The following GDPD5 variants were observed in gnomAD, a reference collection of about 807,000 sequenced individuals.
The protein encoded by GDPD5 is glycerophosphodiester phosphodiesterase 2.
A neutral mutation model predicts 75.1 loss-of-function variants in GDPD5; 48 were observed. That is an observed-to-expected ratio of 0.64 (90% CI 0.51 to 0.81). The LOEUF is 0.81. GDPD5 is among the 40% of genes least tolerant of loss of function. The pLI, the probability that GDPD5 is intolerant of heterozygous loss-of-function variation, is 0.00. For missense variants in GDPD5, 706 were observed against 822.6 expected (o/e 0.86, Z 1.73); for synonymous variants, 336 against 339.0 (o/e 0.99, Z 0.10).
Position 75,478,868 on chromosome 11 carries a change from G to T in GDPD5, c.-60-1073C>A, listed in dbSNP as rs1318974582. 4.6e-5 allele frequency among the ~76,000 whole-genome samples: 7 copies of T among 152,204 alleles called. No individual in the cohort carries two copies. In the East Asian group the frequency reaches 1.3e-3, roughly 29 times the overall value. ...CCCATTTGACAGTTCAACAAACTGA[G>T]GCTCAGAGAACAAGGAGCAATGCCT... On this transcript the variant is annotated intron_variant, in intron 2 of 16. Transcript: ENST00000336898.
intron 1 of GDPD5, among the ~76,000 whole-genome samples, chr11:75,507,464 C>T (rs1950424586): frequency 6.6e-6 from 1 of 152,210 alleles, no homozygotes; most frequent in Non-Finnish European, 1.5e-5. Flanking sequence ...GGTGGCAGAG[C>T]CAGGCAGAAT....
chr11:75,455,896 G>A (rs77080785), intron 6 of GDPD5, among the ~76,000 whole-genome samples: 21 of 152,210 alleles, frequency 1.4e-4, no homozygotes, highest in South Asian at 4.1e-4. Context: ...CAGCCCTGAG[G>A]GGGGGCACTG....
chr11:75,498,098 AG>A (rs938503775), intron 1 of GDPD5, among the ~76,000 whole-genome samples: 9 of 135,684 alleles, frequency 6.6e-5, no homozygotes, highest in Admixed American at 2.9e-4. Flanking sequence ...GGGCTGGTGG[AG>A]GGGGGGCTGA....
At position 75,457,747 on chromosome 11, in the gene GDPD5, G is replaced by C; in HGVS notation, c.261C>G (p.Pro87=). The change falls in exon 5 of 17, where the codon CCC becomes CCG. Residue 87 remains proline (P), a synonymous_variant. Coordinates refer to ENST00000336898, the MANE Select transcript of GDPD5 (RefSeq NM_030792.8). ...YNRMGYWSDW[P]VPILVTTAAA... ...CAGCTGTGGTCACAAGGATGGGTAC[G>C]GGCCAGTCGCTCCAGTAGCCCATGC... 3.7e-6 allele frequency: 6 copies of C among 1,614,126 alleles called. No individual in the cohort carries two copies. Among genetic ancestry groups the C allele is most frequent in the Non-Finnish European group, 5.1e-6 (6 of 1,179,988 alleles).
At position 75,437,062 on chromosome 11, in the gene GDPD5, C is replaced by A. The variant is rs920883934; in HGVS notation, c.1557-14G>T. ...CCCAGGCGCCACCTGCAGAGATGGC[C>A]CCGTGGGCATCAGGTCTCTCCTCAG... is the stretch of plus-strand genomic sequence containing the variant. On this transcript the variant is annotated splice_polypyrimidine_tract_variant and intron_variant, in intron 15 of 16. Coordinates refer to ENST00000336898, the MANE Select transcript of GDPD5 (RefSeq NM_030792.8). 1.3e-5 allele frequency: 21 copies of A among 1,597,038 alleles called. No individual in the cohort carries two copies. The African/African-American group carries it at 2.0e-4, about 15-fold the overall frequency.
At chr11:75,469,484 C>A (rs1327727503) in intron 3 of GDPD5, among the ~76,000 whole-genome samples, 2 of 152,180 alleles carry the variant, frequency 1.3e-5, no homozygotes, top group Non-Finnish European at 2.9e-5. Context: ...GGTCTGTGTA[C>A]CTCCAGTGTC....
intron 12 of GDPD5, among the ~76,000 whole-genome samples, chr11:75,442,159 C>T (rs1197496031): frequency 3.9e-5 from 6 of 152,242 alleles, no homozygotes; most frequent in South Asian, 2.1e-4. Flanking sequence ...ATAACTTGAC[C>T]GCCTGGACCT....
chr11:75,483,431 G>A (rs887613192), intron 2 of GDPD5, among the ~76,000 whole-genome samples: 6 of 152,102 alleles, frequency 3.9e-5, no homozygotes, highest in Admixed American at 2.6e-4. Context: ...CTCACATCCC[G>A]GGACGCACTG....
At chr11:75,490,905 G>A (rs1950096387) in intron 1 of GDPD5, among the ~76,000 whole-genome samples, 2 of 152,210 alleles carry the variant, frequency 1.3e-5, no homozygotes, top group South Asian at 4.1e-4. Context: ...GGTACCAACA[G>A]GCCACGGGAA....
At chr11:75,451,797 T>A (rs1257003571) in intron 6 of GDPD5, 2 of 152,238 alleles carry the variant, frequency 1.3e-5, no homozygotes, top group Non-Finnish European at 2.9e-5. Flanking sequence ...AATGTTATTA[T>A]CTCTGAGTTC....
chr11:75,512,512 C>G (rs977856796), intron 1 of GDPD5, among the ~76,000 whole-genome samples: 1 of 152,168 alleles, frequency 6.6e-6, no homozygotes, highest in African/African-American at 2.4e-5. Flanking sequence ...AGGCCTGTCC[C>G]TCAACCCGTC....
chr11:75,435,587 CATAT>C lies in GDPD5; in HGVS notation c.1734_1737del (p.Tyr579ProfsTer21). 1 of 1,613,674 alleles carries C rather than the reference CATAT, an allele frequency of 6.2e-7. No homozygotes were observed. The highest frequency in any genetic ancestry group is 1.1e-5 in the South Asian group (1 of 91,060). On this transcript the variant is annotated frameshift_variant, in exon 17 of 17. Coordinates refer to ENST00000336898, the MANE Select transcript of GDPD5 (RefSeq NM_030792.8). LOFTEE classifies it high-confidence loss of function. The stretch of plus-strand genomic sequence containing the variant: ...CCCACAGGGGTGGCGGTGCTGTTGG[CATAT>C]GTGTCATAACTGTTGTCTGAACATA...
intron 3 of GDPD5, among the ~76,000 whole-genome samples, chr11:75,465,825 G>C (rs1182637073): frequency 2.0e-5 from 3 of 152,184 alleles, no homozygotes. Flanking sequence ...GCCTAGGATG[G>C]GTCTGGTCCC....
intron 16 of GDPD5, 44 bp downstream of exon 16, chr11:75,436,892 G>T: frequency 6.8e-7 from 1 of 1,460,286 alleles, no homozygotes; most frequent in Non-Finnish European, 9.6e-7. Flanking sequence ...GGTGCAGAAA[G>T]CTGGGCCCAG....
At chr11:75,502,959 G>A (rs144561179) in intron 1 of GDPD5, among the ~76,000 whole-genome samples, 1 of 152,338 alleles carries the variant, frequency 6.6e-6, no homozygotes, top group African/African-American at 2.4e-5. Context: ...AGAGCCACTG[G>A]GCTGAGCCCA....
intron 1 of GDPD5, among the ~76,000 whole-genome samples, chr11:75,511,062 C>T (rs1487850971): frequency 6.6e-6 from 1 of 152,228 alleles, no homozygotes; most frequent in Non-Finnish European, 1.5e-5. Flanking sequence ...CTTAGATTGT[C>T]TTGGCATTTC....
chr11:75,465,214 A>C (rs965715368), intron 3 of GDPD5, among the ~76,000 whole-genome samples: 3 of 152,220 alleles, frequency 2.0e-5, no homozygotes, highest in Non-Finnish European at 4.4e-5. Flanking sequence ...GGCCCAGGCC[A>C]GCTCTGTGCT....
chr11:75,455,475 C>A (rs145334679), intron 6 of GDPD5: 1 of 418,096 alleles, frequency 2.4e-6, no homozygotes. Context: ...TGTAACAAAC[C>A]GGCCTCGGTG....
intron 11 of GDPD5, 122 bp from the exon 12 acceptor site, chr11:75,442,703 T>C: frequency 1.2e-6 from 1 of 817,416 alleles, no homozygotes; most frequent in Non-Finnish European, 1.9e-6. Context: ...GTCAGGCAGA[T>C]TGATGGCTGT....
Sources: allele counts gnomAD v4.1 joint callset (sites outside exome capture counted in the v4.1 genomes callset), GRCh38; gene constraint gnomAD v4.1.1; transcripts MANE v1.5; gene names NCBI Gene and HGNC (gene_info 2026-07-23, HGNC 2026-07-21).